The following CTNNA1 variants were observed in gnomAD, a reference collection of about 807,000 sequenced individuals.
CTNNA1 encodes the protein catenin alpha 1, also known as catenin alpha-1.
Under a neutral mutation model 98.4 loss-of-function variants are expected in CTNNA1, and 37 were observed. The observed-to-expected ratio is 0.38, with a 90% confidence interval of 0.29 to 0.49. The LOEUF (loss-of-function observed/expected upper bound fraction) is 0.49. Among genes scored for constraint, CTNNA1 ranks in the 20% least tolerant of loss-of-function variants. The pLI, the probability that CTNNA1 is intolerant of heterozygous loss-of-function variation, is 0.95. For synonymous variants in CTNNA1, 404 were observed against 413.2 expected, an observed-to-expected ratio of 0.98 and a Z score of 0.27; for missense variants, 761 against 1,147.2, an observed-to-expected ratio of 0.66 and a Z score of 4.86.
intron 9 of CTNNA1, among the ~76,000 whole-genome samples, chr5:138,893,353 C>G (rs1003679183): frequency 2.0e-5 from 3 of 152,024 alleles, no homozygotes; most frequent in Non-Finnish European, 4.4e-5. Flanking sequence ...TGCTGCTGCT[C>G]AGTGTCATCA....
At chr5:138,924,483 T>C (rs774799249) in intron 11 of CTNNA1, 27 bp from the exon 12 acceptor site, 1 of 1,612,340 alleles carries the variant, frequency 6.2e-7, no homozygotes, top group Non-Finnish European at 8.5e-7. Context: ...GCCTCCTTCC[T>C]CATTCAACTT....
intron 1 of CTNNA1, among the ~76,000 whole-genome samples, chr5:138,774,978 CA>C (rs2149617442): frequency 6.6e-6 from 1 of 152,286 alleles, no homozygotes; most frequent in African/African-American, 2.4e-5. Flanking sequence ...ATTAGGAAAA[CA>C]AAAGACCAAG....
At chr5:138,775,638 TC>T (rs1455606714) in intron 1 of CTNNA1, among the ~76,000 whole-genome samples, 2 of 152,156 alleles carry the variant, frequency 1.3e-5, no homozygotes, top group African/African-American at 4.8e-5. Context: ...TCAATGTTTT[TC>T]CCTTTCTCAA....
At chr5:138,865,712 T>C (rs1764688936) in intron 7 of CTNNA1, among the ~76,000 whole-genome samples, 1 of 152,174 alleles carries the variant, frequency 6.6e-6, no homozygotes, top group African/African-American at 2.4e-5. Flanking sequence ...ACATACAATA[T>C]TGTATTATAA....
intron 7 of CTNNA1, among the ~76,000 whole-genome samples, chr5:138,879,734 C>T (rs187501271): frequency 4.7e-4 from 72 of 152,308 alleles, no homozygotes; most frequent in Admixed American, 7.8e-4. Context: ...TCTGGGATTA[C>T]AGGTGTCAAC....
chr5:138,795,549 G>T (rs185533678), intron 3 of CTNNA1, among the ~76,000 whole-genome samples: 57 of 152,252 alleles, frequency 3.7e-4, no homozygotes, highest in Admixed American at 3.1e-3. Context: ...TATAAAGTAG[G>T]TTTATCAGTA....
chr5:138,928,386 CCT>C (rs759562575), intron 13 of CTNNA1, among the ~76,000 whole-genome samples: 1 of 151,846 alleles, frequency 6.6e-6, no homozygotes, highest in Non-Finnish European at 1.5e-5. Flanking sequence ...CATATTCTCC[CCT>C]CTTTTCTTTT....
At chr5:138,831,827 T>C (rs1761302484) in intron 7 of CTNNA1, among the ~76,000 whole-genome samples, 2 of 152,210 alleles carry the variant, frequency 1.3e-5, no homozygotes, top group Admixed American at 6.5e-5. Flanking sequence ...CTGCAAGAGG[T>C]GCTCAGTAAA....
intron 2 of CTNNA1, chr5:138,782,265 C>T (rs781431119): frequency 1.7e-6 from 1 of 588,288 alleles, no homozygotes; most frequent in South Asian, 1.5e-5. Context: ...TGTAGTGCAA[C>T]TTTGCAAATG....
chr5:138,866,128 A>G (rs1764735132), intron 7 of CTNNA1, among the ~76,000 whole-genome samples: 1 of 152,162 alleles, frequency 6.6e-6, no homozygotes, highest in Non-Finnish European at 1.5e-5. Context: ...TGGGCAACAC[A>G]TGGTGAAACT....
chr5:138,872,025 AGAGT>A (rs1482968865), intron 7 of CTNNA1: 1 of 111,156 alleles, frequency 9.0e-6, no homozygotes, highest in Non-Finnish European at 1.8e-5. Context: ...AGAGAGCGCG[AGAGT>A]GTGTGTGTGT....
chr5:138,778,598 C>T (rs74377282), intron 1 of CTNNA1, among the ~76,000 whole-genome samples: 5 of 152,180 alleles, frequency 3.3e-5, no homozygotes, highest in Admixed American at 6.5e-5. Flanking sequence ...CACTAGATCA[C>T]GCTACTGAGA....
chr5:138,840,486 A>T lies in CTNNA1; in HGVS notation c.1062+12768A>T, dbSNP rs189705418. On this transcript the variant is annotated intron_variant, in intron 7 of 17. Transcript: ENST00000302763. ...CAAATTGGTGTTTTTAGGGAAAAAT[A>T]TAATATAGTTTCTCCTTCAGTTATT... Among the ~76,000 whole-genome samples the T allele has an allele frequency of 9.2e-5, 14 of 152,374 alleles. No homozygotes were observed. The East Asian group carries it at 2.7e-3, about 29-fold the overall frequency.
intron 1 of CTNNA1, among the ~76,000 whole-genome samples, chr5:138,776,577 G>A (rs543188910): frequency 2.0e-5 from 3 of 152,192 alleles, no homozygotes; most frequent in African/African-American, 7.2e-5. Context: ...CCCAGACGGG[G>A]TGGTGGCCGA....
chr5:138,845,336 C>T (rs1762612637), intron 7 of CTNNA1, among the ~76,000 whole-genome samples: 1 of 152,216 alleles, frequency 6.6e-6, no homozygotes. Flanking sequence ...AGCTGAGAAT[C>T]CGGTGAATCA....
At chr5:138,801,312 A>C (rs181623544) in intron 3 of CTNNA1, among the ~76,000 whole-genome samples, 1 of 152,194 alleles carries the variant, frequency 6.6e-6, no homozygotes, top group African/African-American at 2.4e-5. Flanking sequence ...TTTCTGTGAT[A>C]GGTTTGTGTA....
chr5:138,781,558 A>G (rs1319012031), intron 1 of CTNNA1, among the ~76,000 whole-genome samples: 1 of 150,740 alleles, frequency 6.6e-6, no homozygotes, highest in Non-Finnish European at 1.5e-5. Flanking sequence ...CTGTCTCAAA[A>G]AAAAAAAAAA....
At position 138,883,141 on chromosome 5, in the gene CTNNA1, A is replaced by G. The variant is rs567525720; in HGVS notation, c.1063-3071A>G. On this transcript the variant is annotated intron_variant, in intron 7 of 17. Coordinates refer to ENST00000302763, the MANE Select transcript of CTNNA1 (RefSeq NM_001903.5). The stretch of plus-strand genomic sequence containing the variant: ...CTCAGCCTCCCAAAGTGCTAGGATT[A>G]CAGGCATGAGCCACCGCGCCTGGCA... Among the ~76,000 whole-genome samples, 7 of 152,318 alleles carry G rather than the reference A, an allele frequency of 4.6e-5. No individual in the cohort carries two copies. In the East Asian group the frequency reaches 1.2e-3, roughly 25 times the overall value.
intron 9 of CTNNA1, among the ~76,000 whole-genome samples, chr5:138,891,529 G>A (rs1461266293): frequency 6.6e-6 from 1 of 152,154 alleles, no homozygotes; most frequent in Non-Finnish European, 1.5e-5. Flanking sequence ...TGGAGGCGGA[G>A]GTGGGCAGAT....
Sources: allele counts gnomAD v4.1 joint callset (sites outside exome capture counted in the v4.1 genomes callset), GRCh38; gene constraint gnomAD v4.1.1; transcripts MANE v1.5; gene names NCBI Gene and HGNC (gene_info 2026-07-23, HGNC 2026-07-21).